PSME4: variants seen among roughly 807,000 people sequenced by gnomAD.
PSME4 encodes the protein proteasome activator complex subunit 4.
PSME4 carries 89 observed loss-of-function variants against 253.9 expected under a neutral mutation model. That is an observed-to-expected ratio of 0.35 (90% CI 0.30 to 0.42). The LOEUF (loss-of-function observed/expected upper bound fraction) is 0.42. PSME4 is among the 10% of genes least tolerant of loss of function. The probability of loss-of-function intolerance (pLI) is 1.00; values close to 1 mark genes in which losing one functional copy is unlikely to be tolerated. For synonymous variants in PSME4, 851 were observed against 759.2 expected (o/e 1.12, Z -1.99); for missense variants, 2,014 against 2,195.2 (o/e 0.92, Z 1.65).
intron 46 of PSME4, 121 bp downstream of exon 46, chr2:53,865,964 C>T (rs1460857906): frequency 9.4e-7 from 1 of 1,058,818 alleles, no homozygotes; most frequent in Non-Finnish European, 1.3e-6. Flanking sequence ...AACAAACAAT[C>T]CCCGCCATCC....
At chr2:53,952,903 G>T (rs1003573965) in intron 1 of PSME4, among the ~76,000 whole-genome samples, 5 of 152,128 alleles carry the variant, frequency 3.3e-5, no homozygotes, top group African/African-American at 4.8e-5. Context: ...GGGACCCCCT[G>T]CTCCAAGCCA....
intron 3 of PSME4, among the ~76,000 whole-genome samples, chr2:53,944,489 T>A (rs1030079352): frequency 1.3e-5 from 2 of 152,234 alleles, no homozygotes; most frequent in African/African-American, 4.8e-5. Flanking sequence ...AATTTCCAAA[T>A]AAAAGAATAT....
Position 53,909,576 on chromosome 2 carries a change from G to A in PSME4, c.2572+499C>T, listed in dbSNP as rs549151441. 7.9e-5 allele frequency among the ~76,000 whole-genome samples: 12 copies of A among 152,192 alleles called. 1 individual carries two copies. In the South Asian group the frequency reaches 2.5e-3, roughly 32 times the overall value. On this transcript the variant is annotated intron_variant, in intron 21 of 46. Coordinates refer to ENST00000404125, the MANE Select transcript of PSME4 (RefSeq NM_014614.3). ...CTATTCTTTATACAATAATTTTCCA[G>A]TTTCTCCAGAAAAGGCAAAAATGAC...
At chr2:53,947,393 A>G (rs988420319) in intron 3 of PSME4, among the ~76,000 whole-genome samples, 1 of 152,232 alleles carries the variant, frequency 6.6e-6, no homozygotes, top group African/African-American at 2.4e-5. Context: ...ACAGGCATAG[A>G]GAATGGTGCT....
intron 46 of PSME4, 111 bp downstream of exon 46, chr2:53,865,974 C>A: frequency 8.6e-7 from 1 of 1,160,524 alleles, no homozygotes; most frequent in Non-Finnish European, 1.2e-6. Context: ...CCCCGCCATC[C>A]AACTTTATCT....
intron 41 of PSME4, among the ~76,000 whole-genome samples, chr2:53,882,164 G>T (rs1478054856): frequency 2.0e-5 from 3 of 152,128 alleles, no homozygotes; most frequent in Admixed American, 6.5e-5. Flanking sequence ...GTTAGCTGAA[G>T]TAGATCCAGC....
At chr2:53,929,595 AT>A (rs1278214890) in intron 10 of PSME4, among the ~76,000 whole-genome samples, 2,897 of 141,044 alleles carry the variant, frequency 0.021, 39 homozygotes, top group African/African-American at 0.051. Flanking sequence ...CTAGCTGCTT[AT>A]TTTTTTTTTT....
chr2:53,950,782 G>A (rs1309996991), intron 1 of PSME4, among the ~76,000 whole-genome samples: 22 of 150,586 alleles, frequency 1.5e-4, no homozygotes, highest in African/African-American at 4.9e-4. Flanking sequence ...CGGAGGTTGC[G>A]GTGAGCCAAG....
At chr2:53,892,034 T>A (rs1200614147) in intron 36 of PSME4, among the ~76,000 whole-genome samples, 1 of 152,068 alleles carries the variant, frequency 6.6e-6, no homozygotes, top group Non-Finnish European at 1.5e-5. Context: ...AAGCTTTATC[T>A]CAAAGAACAT....
chr2:53,902,683 G>A (rs72902965), intron 27 of PSME4, among the ~76,000 whole-genome samples: 2,948 of 152,260 alleles, frequency 0.019, 102 homozygotes, highest in African/African-American at 0.066. Context: ...CCAGGGGTCA[G>A]CAAACATTTT....
Position 53,970,699 on chromosome 2 carries a change from T to C in PSME4, c.86A>G (p.Gln29Arg). Residue 29 changes from glutamine (Q) to arginine (R), a missense_variant, in exon 1 of 47, where the codon CAG becomes CGG. This residue lies in a region of PSME4 where 615 missense variants were observed against 594.4 expected (regional missense o/e 1.03). Coordinates refer to ENST00000404125, the MANE Select transcript of PSME4 (RefSeq NM_014614.3). The stretch of plus-strand genomic sequence containing the variant: ...CAGCTTGTTGTAGACGATCTCCTTC[T>C]GCGGGACGAAGCCCCGCGGGCCCGG... ...PEPGPRGFVP[Q>R]KEIVYNKLLP... The C allele has an allele frequency of 1.3e-6, 2 of 1,549,266 alleles. No homozygotes were observed.
At chr2:53,889,212 T>C (rs805402) in intron 37 of PSME4, among the ~76,000 whole-genome samples, 78,852 of 151,872 alleles carry the variant, frequency 0.52, 20,696 homozygotes, top group East Asian at 0.71. Flanking sequence ...AGTATAGTCG[T>C]CCCTTGGTAT....
chr2:53,952,826 C>A (rs933726635), intron 1 of PSME4, among the ~76,000 whole-genome samples: 14 of 152,246 alleles, frequency 9.2e-5, no homozygotes, highest in African/African-American at 3.1e-4. Context: ...CCACTGCTCA[C>A]CTCCTGCTGT....
At chr2:53,908,449 A>G in intron 23 of PSME4, 31 bp from the exon 24 acceptor site, 1 of 1,612,490 alleles carries the variant, frequency 6.2e-7, no homozygotes, top group African/African-American at 1.3e-5. Context: ...TTGTATTTGC[A>G]AGTCATCAAT....
intron 4 of PSME4, 116 bp downstream of exon 4, chr2:53,939,840 T>A (rs1669303024): frequency 2.4e-6 from 2 of 827,246 alleles, no homozygotes; most frequent in Non-Finnish European, 3.7e-6. Context: ...GCTCAGTGAC[T>A]AACATCACAA....
intron 45 of PSME4, 134 bp downstream of exon 45, chr2:53,866,613 G>A: frequency 2.1e-6 from 2 of 944,498 alleles, no homozygotes; most frequent in Non-Finnish European, 3.1e-6. Context: ...AATTACTGGT[G>A]AGCAGACTAA....
At chr2:53,913,553 T>A (rs372103662) in intron 20 of PSME4, among the ~76,000 whole-genome samples, 1 of 152,124 alleles carries the variant, frequency 6.6e-6, no homozygotes, top group African/African-American at 2.4e-5. Flanking sequence ...AAAATAAACA[T>A]AAAAGATGTA....
rs1264884796 is a variant in PSME4 at position 53,892,943 on chromosome 2, A to G, written c.4056T>C (p.Phe1352=). 6.2e-7 allele frequency: 1 copy of G among 1,613,100 alleles called. No individual in the cohort carries two copies. The highest frequency in any genetic ancestry group is 1.7e-5 in the Admixed American group (1 of 59,848). The change falls in exon 36 of 47, where the codon TTT becomes TTC. Residue 1352 remains phenylalanine (F), a synonymous_variant. Transcript: ENST00000404125. ...TCAGAACTGGCAGGAAGGCATCATC[A>G]AAATTCCTGAATATACCCTATAAAA... The part of the protein sequence containing the change: ...FCLFKGIFRN[F]DDAFLPVLKP...
chr2:53,880,690 AT>A (rs1336065718), intron 41 of PSME4, among the ~76,000 whole-genome samples: 1 of 152,266 alleles, frequency 6.6e-6, no homozygotes, highest in Non-Finnish European at 1.5e-5. Flanking sequence ...TCATAAAACA[AT>A]TTCAGAAACA....
Sources: allele counts gnomAD v4.1 joint callset (sites outside exome capture counted in the v4.1 genomes callset), GRCh38; gene constraint gnomAD v4.1.1; regional missense constraint gnomAD v4.1.1; transcripts MANE v1.5; gene names NCBI Gene and HGNC (gene_info 2026-07-23, HGNC 2026-07-21).